The following NDRG2 variants were observed in gnomAD, a reference collection of about 807,000 sequenced individuals.
NDRG2 encodes NDRG family member 2, also known as protein NDRG2.
NDRG2 carries 34 observed loss-of-function variants against 58.2 expected under a neutral mutation model. The observed-to-expected ratio is 0.58, with a 90% confidence interval of 0.44 to 0.78. The LOEUF is 0.78. Among genes scored for constraint, NDRG2 ranks in the 30% least tolerant of loss-of-function variants. The pLI is 0.00. For missense variants in NDRG2, 434 were observed against 471.2 expected (o/e 0.92, Z 0.73); for synonymous variants, 187 against 175.9 (o/e 1.06, Z -0.50).
At chr14:21,021,013 G>A in intron 6 of NDRG2, 169 bp from the exon 7 acceptor site, 2 of 735,580 alleles carry the variant, frequency 2.7e-6, no homozygotes, top group Non-Finnish European at 4.8e-6. Flanking sequence ...GAAGCCAAAG[G>A]TTGGCACGGG....
chr14:21,043,194 C>T lies in NDRG2; in HGVS notation c.25-19873G>A. On this transcript the variant is annotated intron_variant, in intron 1 of 14. Coordinates refer to the NDRG2 transcript ENST00000403829. ...CAAGCACACAAAACGGTGCAAAGAC[C>T]TCAACACCTTCCTGCACGAGCCTTT... 1 of 1,614,174 alleles carries T rather than the reference C, an allele frequency of 6.2e-7. No individual in the cohort carries two copies. Among genetic ancestry groups the T allele is most frequent in the Non-Finnish European group, 8.5e-7 (1 of 1,180,028 alleles).
intron 1 of NDRG2, chr14:21,058,019 G>A (rs1215472609): frequency 1.2e-6 from 2 of 1,614,084 alleles, no homozygotes; most frequent in African/African-American, 1.3e-5. Context: ...AACTCAGCAT[G>A]TGCAGCCCAG....
intron 1 of NDRG2, chr14:21,032,974 GC>G: frequency 2.2e-6 from 1 of 456,156 alleles, no homozygotes. Flanking sequence ...TTCGATTAGA[GC>G]CGGGCCTGCC....
At chr14:21,041,951 G>A (rs1002791703) in intron 1 of NDRG2, among the ~76,000 whole-genome samples, 1 of 152,150 alleles carries the variant, frequency 6.6e-6, no homozygotes, top group African/African-American at 2.4e-5. Context: ...CATCTTTCTA[G>A]GCTGTCCTAT....
intron 1 of NDRG2, chr14:21,044,055 C>G (rs940104062): frequency 3.0e-5 from 5 of 168,238 alleles, no homozygotes; most frequent in Admixed American, 1.9e-4. Flanking sequence ...GGACTTGAAC[C>G]TAGGTCTCCT....
chr14:21,061,422 A>G (rs1885954304), intron 1 of NDRG2, among the ~76,000 whole-genome samples: 1 of 152,106 alleles, frequency 6.6e-6, no homozygotes, highest in Non-Finnish European at 1.5e-5. Context: ...GAAGAATTAG[A>G]TGGCGTGTAA....
chr14:21,032,201 C>A, intron 1 of NDRG2: 1 of 1,008,150 alleles, frequency 9.9e-7, no homozygotes, highest in South Asian at 1.4e-5. Flanking sequence ...GACAGATGAG[C>A]CTACTAGTGT....
At chr14:21,064,412 C>G (rs1256229391) in intron 1 of NDRG2, among the ~76,000 whole-genome samples, 1 of 152,062 alleles carries the variant, frequency 6.6e-6, no homozygotes, top group Non-Finnish European at 1.5e-5. Context: ...AGCGATTCTC[C>G]TGTCTCAGCC....
intron 6 of NDRG2, 197 bp from the exon 7 acceptor site, chr14:21,021,041 T>G (rs769656550): frequency 1.5e-6 from 1 of 686,578 alleles, no homozygotes; most frequent in African/African-American, 1.8e-5. Context: ...GGTAGATACC[T>G]GAAGTCTATC....
intron 1 of NDRG2, among the ~76,000 whole-genome samples, chr14:21,068,935 C>G (rs1886451202): frequency 2.0e-5 from 3 of 152,268 alleles, no homozygotes; most frequent in African/African-American, 7.2e-5. Context: ...GGCACCCCCG[C>G]CTCCCCTCCC....
At chr14:21,062,482 T>G (rs888933971) in intron 1 of NDRG2, among the ~76,000 whole-genome samples, 1 of 152,092 alleles carries the variant, frequency 6.6e-6, no homozygotes, top group Non-Finnish European at 1.5e-5. Context: ...AATGGGAGTA[T>G]TATATCCTAG....
rs1879261155 is a variant in NDRG2 at position 21,020,052 on chromosome 14, T to C, written c.556-76A>G. ...GGCTCACGTCTGTAATCCCAGCACT[T>C]TGGGAGGCCGAGGCGGGTGGATCAC... On this transcript the variant is annotated intron_variant, in intron 8 of 15. Transcript: ENST00000556147. 4 of 1,390,322 alleles carry C rather than the reference T, an allele frequency of 2.9e-6. No homozygotes were observed. In the South Asian group the frequency reaches 4.7e-5, roughly 16 times the overall value. The allele number at this position is 1,390,322 out of a possible 1,614,324, so 86.1% of individuals were successfully genotyped here.
At chr14:21,043,248 C>A (rs1264248788) in intron 1 of NDRG2, 2 of 1,614,086 alleles carry the variant, frequency 1.2e-6, no homozygotes, top group East Asian at 2.2e-5. Context: ...CTGCCAGACC[C>A]CCAAAATAGC....
chr14:21,023,858 A>C (rs1882221100), intron 1 of NDRG2, 172 bp downstream of exon 1: 1 of 592,646 alleles, frequency 1.7e-6, no homozygotes, highest in Admixed American at 6.0e-5. Flanking sequence ...GGTGGGGAAA[A>C]CAACATAAAA....
At chr14:21,020,720 T>C (rs1189706049) in intron 7 of NDRG2, 64 bp downstream of exon 7, 3 of 1,605,118 alleles carry the variant, frequency 1.9e-6, no homozygotes, top group African/African-American at 1.3e-5. Context: ...ACAGCACTAA[T>C]AAACAGTATT....
At chr14:21,026,880 C>A (rs1883702868), upstream of NDRG2, among the ~76,000 whole-genome samples, 1 of 152,148 alleles carries the variant, frequency 6.6e-6, no homozygotes, top group Non-Finnish European at 1.5e-5. Context: ...AGGGTCACAG[C>A]CAAAGGTGCG....
upstream of NDRG2, chr14:21,025,084 G>T (rs946388133): frequency 4.5e-5 from 44 of 985,642 alleles, no homozygotes; most frequent in African/African-American, 6.1e-4. The surrounding 1 kb of genome is among the most constrained non-coding windows in gnomAD (Gnocchi z 5.1). Context: ...GGCCCGCCCC[G>T]GCTCGGGCTT....
chr14:21,024,771 G>GC lies in NDRG2; in HGVS notation c.-749dup. On this transcript the variant is annotated 5_prime_UTR_variant, in exon 1 of 16. Transcript: ENST00000556147. ...ACCCGTCCCTACGAGTCCCTACGCA[G>GC]CCCGTCCGCGTGGAGACTGACACCC... 3 of 985,582 alleles carry GC rather than the reference G, an allele frequency of 3.0e-6. No individual in the cohort carries two copies. The highest frequency in any genetic ancestry group is 2.4e-6 in the Non-Finnish European group (2 of 830,054). The allele number at this position is 985,582 out of a possible 1,614,324, so 61.1% of individuals were successfully genotyped here. A position where few individuals can be genotyped will look rare whatever the true frequency, so the allele number is the denominator to read the frequency against.
intron 1 of NDRG2, among the ~76,000 whole-genome samples, chr14:21,035,578 T>C (rs534525675): frequency 7.9e-5 from 12 of 152,304 alleles, no homozygotes; most frequent in South Asian, 4.2e-4. Flanking sequence ...TTTTTACCTT[T>C]GCTGGGCAGC....
Sources: gnomAD v4.1 joint callset for allele counts (sites outside exome capture counted in the v4.1 genomes callset) on GRCh38, gnomAD v4.1.1 for gene constraint, Gnocchi (gnomAD v3.1) non-coding constraint, MANE v1.5 for transcripts, NCBI Gene and HGNC (gene_info 2026-07-23, HGNC 2026-07-21) for gene names.